The following ERBB4 variants were observed in gnomAD, a reference collection of about 807,000 sequenced individuals.
ERBB4 encodes erb-b2 receptor tyrosine kinase 4.
A neutral mutation model predicts 158.0 loss-of-function variants in ERBB4; 42 were observed. The ratio of observed to expected loss-of-function variants is 0.27; its 90% CI spans 0.21 to 0.34. The LOEUF (loss-of-function observed/expected upper bound fraction) is 0.34, where lower values mean the gene tolerates loss of function less well. Ranked by LOEUF, ERBB4 falls within the 10% of genes least tolerant of loss-of-function variation. The probability of loss-of-function intolerance (pLI) is 1.00; values close to 1 mark genes in which losing one functional copy is unlikely to be tolerated. For missense variants in ERBB4, 1,333 were observed against 1,624.1 expected (o/e 0.82, Z 3.08); for synonymous variants, 583 against 558.7 (o/e 1.04, Z -0.61).
intron 8 of ERBB4, 41 bp from the exon 9 acceptor site, chr2:211,712,217 A>T: frequency 6.2e-7 from 1 of 1,607,866 alleles, no homozygotes; most frequent in Non-Finnish European, 8.5e-7. Context: ...TGAGAAACTT[A>T]TTTTTGGCCA....
chr2:211,519,133 G>A (rs2066120984), intron 20 of ERBB4, among the ~76,000 whole-genome samples: 1 of 152,020 alleles, frequency 6.6e-6, no homozygotes, highest in Admixed American at 6.5e-5. Context: ...ATCTGTCAGT[G>A]GCTCCGTCCA....
At chr2:212,074,884 T>A (rs763487947) in intron 2 of ERBB4, among the ~76,000 whole-genome samples, 3 of 151,980 alleles carry the variant, frequency 2.0e-5, no homozygotes, top group African/African-American at 7.2e-5. Context: ...TCCTTTCCTC[T>A]AACCAAACAA....
intron 3 of ERBB4, among the ~76,000 whole-genome samples, chr2:211,854,682 C>A (rs2077807432): frequency 6.6e-6 from 1 of 152,108 alleles, no homozygotes; most frequent in Non-Finnish European, 1.5e-5. Flanking sequence ...ACTTTCACGA[C>A]TGTATAGTAT....
intron 1 of ERBB4, among the ~76,000 whole-genome samples, chr2:212,191,446 A>G (rs2082187876): frequency 6.6e-6 from 1 of 152,056 alleles, no homozygotes; most frequent in African/African-American, 2.4e-5. Context: ...CACATGTTAT[A>G]CATGTTATAC....
rs1366027543 is a variant in ERBB4 at position 211,382,815 on chromosome 2, T to C, written c.*800A>G. On this transcript the variant is annotated 3_prime_UTR_variant, in exon 28 of 28. Coordinates refer to ENST00000342788, the MANE Select transcript of ERBB4 (RefSeq NM_005235.3). Reference sequence around the variant, plus strand: ...CCTCCCTTTCTTATTTTAAAGATTGTATACTTAAAGTAGTGGCCATTTCAC... The same window carrying C: ...CCTCCCTTTCTTATTTTAAAGATTGCATACTTAAAGTAGTGGCCATTTCAC... 3 of 232,622 alleles carry C rather than the reference T, an allele frequency of 1.3e-5. No individual in the cohort carries two copies. Among genetic ancestry groups the C allele is most frequent in the African/African-American group, 6.6e-5 (3 of 45,316 alleles). 14.4% of individuals were successfully genotyped at this position (232,622 alleles called of 1,614,324 possible). A position where few individuals can be genotyped will look rare whatever the true frequency, so the allele number is the denominator to read the frequency against.
At chr2:211,923,450 T>C (rs2079926571) in intron 3 of ERBB4, among the ~76,000 whole-genome samples, 1 of 152,166 alleles carries the variant, frequency 6.6e-6, no homozygotes, top group Admixed American at 6.6e-5. Context: ...AGAAGTTTGG[T>C]TGTAAAACAG....
chr2:211,607,475 G>A (rs2069025580), intron 19 of ERBB4, among the ~76,000 whole-genome samples: 2 of 152,126 alleles, frequency 1.3e-5, no homozygotes, highest in African/African-American at 4.8e-5. Context: ...TTTGTAAGTG[G>A]ATCAAAACCC....
intron 1 of ERBB4, among the ~76,000 whole-genome samples, chr2:212,399,862 A>G (rs1046855141): frequency 6.6e-6 from 1 of 152,046 alleles, no homozygotes; most frequent in Non-Finnish European, 1.5e-5. Context: ...CTGGTGACAG[A>G]GCAAGATTCT....
chr2:212,024,669 T>C (rs1282994552), intron 2 of ERBB4, among the ~76,000 whole-genome samples: 5 of 151,938 alleles, frequency 3.3e-5, no homozygotes, highest in South Asian at 2.1e-4. Context: ...TACTTACCTC[T>C]CACTCTCTTC....
chr2:212,264,820 T>G (rs114913847), intron 1 of ERBB4, among the ~76,000 whole-genome samples: 1,629 of 152,218 alleles, frequency 0.011, 28 homozygotes, highest in African/African-American at 0.038. Flanking sequence ...AAAAGTAACC[T>G]GAGTAAATGA....
At chr2:212,068,848 A>G (rs1163285006) in intron 2 of ERBB4, among the ~76,000 whole-genome samples, 1 of 152,068 alleles carries the variant, frequency 6.6e-6, no homozygotes, top group African/African-American at 2.4e-5. Flanking sequence ...TTGTGTTTTG[A>G]CCATAGGGAT....
At chr2:211,960,686 C>G (rs558311451) in intron 2 of ERBB4, 1 of 152,034 alleles carries the variant, frequency 6.6e-6, no homozygotes, top group Non-Finnish European at 1.5e-5. Flanking sequence ...CTCCTTGAGG[C>G]CAGTGTCTTG....
chr2:212,024,037 T>G (rs2076718806), intron 2 of ERBB4, among the ~76,000 whole-genome samples: 1 of 152,062 alleles, frequency 6.6e-6, no homozygotes, highest in South Asian at 2.1e-4. Context: ...CCCAAAATTC[T>G]AATTAGATTG....
chr2:211,450,367 T>C (rs992745136), intron 20 of ERBB4, among the ~76,000 whole-genome samples: 1 of 152,094 alleles, frequency 6.6e-6, no homozygotes, highest in African/African-American at 2.4e-5. Context: ...AATAACATGA[T>C]TGGATTACAT....
intron 25 of ERBB4, among the ~76,000 whole-genome samples, chr2:211,392,370 G>T (rs2062814983): frequency 6.6e-6 from 1 of 152,064 alleles, no homozygotes; most frequent in Non-Finnish European, 1.5e-5. Context: ...AACAGAATGT[G>T]TCCATATGTG....
intron 1 of ERBB4, among the ~76,000 whole-genome samples, chr2:212,304,954 GTA>G (rs147792901): frequency 9.3e-5 from 14 of 150,838 alleles, no homozygotes; most frequent in African/African-American, 2.4e-4. Flanking sequence ...GTGTGTGTGT[GTA>G]TATATATATA....
chr2:212,253,446 T>C (rs966748411), intron 1 of ERBB4, among the ~76,000 whole-genome samples: 1 of 152,144 alleles, frequency 6.6e-6, no homozygotes, highest in African/African-American at 2.4e-5. Context: ...AAAAAACCTA[T>C]AATAAGTAAA....
At chr2:212,421,438 A>T (rs1242733674) in intron 1 of ERBB4, among the ~76,000 whole-genome samples, 1 of 152,142 alleles carries the variant, frequency 6.6e-6, no homozygotes, top group Non-Finnish European at 1.5e-5. Context: ...ATTTCAATTG[A>T]CTTAACACTT....
intron 4 of ERBB4, among the ~76,000 whole-genome samples, chr2:211,774,430 T>G (rs1036670421): frequency 6.6e-6 from 1 of 152,016 alleles, no homozygotes; most frequent in African/African-American, 2.4e-5. Context: ...GCTTGAGTTT[T>G]TATTTGCATT....
Sources: allele counts gnomAD v4.1 joint callset (sites outside exome capture counted in the v4.1 genomes callset), GRCh38; gene constraint gnomAD v4.1.1; transcripts MANE v1.5; gene names NCBI Gene and HGNC (gene_info 2026-07-23, HGNC 2026-07-21).